Variants in BCLAF1 observed in about 807,000 individuals in gnomAD.
The protein encoded by BCLAF1 is BCL2 associated transcription factor 1.
Under a neutral mutation model 99.5 loss-of-function variants are expected in BCLAF1, and 10 were observed. That is an observed-to-expected ratio of 0.10 (90% CI 0.06 to 0.17). The LOEUF (loss-of-function observed/expected upper bound fraction) is 0.17, where lower values mean the gene tolerates loss of function less well. Ranked by LOEUF, BCLAF1 falls within the 10% of genes least tolerant of loss-of-function variation. The pLI is 1.00. For synonymous variants in BCLAF1, 255 were observed against 370.9 expected (o/e 0.69, Z 3.59); for missense variants, 636 against 1,105.8 (o/e 0.58, Z 6.02).
chr6:136,286,982 T>C (rs1785225093), intron 1 of BCLAF1, among the ~76,000 whole-genome samples: 1 of 146,820 alleles, frequency 6.8e-6, no homozygotes, highest in Non-Finnish European at 1.5e-5. Context: ...ACAGAAAAAC[T>C]AGCCGGCCTT....
At position 136,267,127 on chromosome 6, in the gene BCLAF1, T is replaced by C. The variant is rs1325041000; in HGVS notation, c.2446A>G (p.Asn816Asp). 6.2e-7 allele frequency: 1 copy of C among 1,613,150 alleles called. No individual in the cohort carries two copies. The highest frequency in any genetic ancestry group is 2.2e-5 in the East Asian group (1 of 44,826). ...GTATTTGAGTTGTTTGGACCAGTAT[T>C]TGTCCCAGCAAAAACTCCTCTGGCT... ...GRARGVFAGT[N>D]TGPNNSNTTF... Residue 816 changes from asparagine (N) to aspartate (D), a missense_variant, in exon 11 of 13, where the codon AAT (asparagine) becomes GAT (aspartate). Asn to Asp is a conservative substitution (Grantham distance 23). Transcript: ENST00000531224.
intron 6 of BCLAF1, among the ~76,000 whole-genome samples, 200 bp downstream of exon 6, chr6:136,275,332 C>T (rs1412658950): frequency 6.6e-6 from 1 of 152,112 alleles, no homozygotes; most frequent in Non-Finnish European, 1.5e-5. Flanking sequence ...ATTTCAATTA[C>T]TTTTTATTAA....
rs1482675625 is a variant in BCLAF1, at chr6:136,258,428, CA to C, written c.*2681del. ...AACAAAAACAAAAACAAAAACAAGA[CA>C]AAACAAAAAAACAGTAAAGAAAGGT... On this transcript the variant is annotated 3_prime_UTR_variant, in exon 13 of 13. Transcript: ENST00000531224. 6.6e-6 allele frequency: 1 copy of C among 150,426 alleles called. No individual in the cohort carries two copies. The highest frequency in any genetic ancestry group is 1.5e-5 in the Non-Finnish European group (1 of 67,490). 9.3% of individuals were successfully genotyped at this position (150,426 alleles called of 1,614,324 possible). A position where few individuals can be genotyped will look rare whatever the true frequency, so the allele number is the denominator to read the frequency against.
At chr6:136,284,103 T>C (rs1188713396) in intron 1 of BCLAF1, among the ~76,000 whole-genome samples, 1 of 132,574 alleles carries the variant, frequency 7.5e-6, no homozygotes, top group Non-Finnish European at 1.6e-5. Context: ...TTTATATATA[T>C]ATATACATAT....
At chr6:136,282,489 T>A (rs1375666388) in intron 2 of BCLAF1, 95 bp downstream of exon 2, 1 of 152,154 alleles carries the variant, frequency 6.6e-6, no homozygotes, top group Non-Finnish European at 1.5e-5. Context: ...TCGGACCACA[T>A]CATTTTTAAT....
chr6:136,283,147 C>G (rs1298074912), intron 1 of BCLAF1, among the ~76,000 whole-genome samples: 5 of 126,278 alleles, frequency 4.0e-5, no homozygotes, highest in Non-Finnish European at 6.3e-5. Flanking sequence ...GCAACACACT[C>G]TAGCCTTGGC....
At chr6:136,280,868 C>T (rs908238075) in intron 2 of BCLAF1, among the ~76,000 whole-genome samples, 2 of 152,162 alleles carry the variant, frequency 1.3e-5, no homozygotes, top group Non-Finnish European at 2.9e-5. Context: ...TCCAAATTTA[C>T]ACTAACTTAC....
intron 8 of BCLAF1, 117 bp downstream of exon 8, chr6:136,271,878 T>A (rs1782583493): frequency 1.4e-6 from 1 of 716,922 alleles, no homozygotes; most frequent in African/African-American, 1.8e-5. Flanking sequence ...CATAATATAG[T>A]TATGAATTAA....
chr6:136,267,892 T>C (rs1462802777), intron 10 of BCLAF1, among the ~76,000 whole-genome samples: 2 of 151,950 alleles, frequency 1.3e-5, no homozygotes, highest in African/African-American at 2.4e-5. Context: ...ATCAGTAACT[T>C]TCCTTGACTC....
Position 136,279,770 on chromosome 6 carries a change from G to C in BCLAF1, c.97C>G (p.Arg33Gly), listed in dbSNP as rs374712646. The change falls in exon 3 of 13, where the codon CGA becomes GGA. Residue 33 changes from arginine (R) to glycine (G), a missense_variant. Coordinates refer to ENST00000531224, the MANE Select transcript of BCLAF1 (RefSeq NM_014739.3). ...TAAAGCACATTAAATCACCTGTATC[G>C]CTTCTTTCTAGAATGAGATCTTGAT... ...SRSRSHSRKK[R>G]YSSRSRSRTY... 5 of 1,562,628 alleles carry C rather than the reference G, an allele frequency of 3.2e-6. No individual in the cohort carries two copies. The highest frequency in any genetic ancestry group is 4.3e-6 in the Non-Finnish European group (5 of 1,156,268).
At chr6:136,286,458 A>G (rs1423861496) in intron 1 of BCLAF1, among the ~76,000 whole-genome samples, 1 of 152,216 alleles carries the variant, frequency 6.6e-6, no homozygotes, top group Non-Finnish European at 1.5e-5. Flanking sequence ...TTACAAGTAC[A>G]GGGTTAAATG....
At position 136,261,328 on chromosome 6, in the gene BCLAF1, A is replaced by T. The variant is rs774606410; in HGVS notation, c.2694T>A (p.Val898=). The T allele has an allele frequency of 1.2e-6, 2 of 1,613,840 alleles. No homozygotes were observed. Among genetic ancestry groups the T allele is most frequent in the South Asian group, 2.2e-5 (2 of 91,076 alleles). ...THDKYQGDGI[V]EDEEETMENN... ...TTTCCATGGTCTCTTCTTCATCTTC[A>T]ACAATCCCATCCCCTTGGTATTTGT... The change falls in exon 12 of 13, where the codon GTT becomes GTA. Residue 898 remains valine, a synonymous_variant. Coordinates refer to ENST00000531224, the MANE Select transcript of BCLAF1 (RefSeq NM_014739.3).
intron 1 of BCLAF1, among the ~76,000 whole-genome samples, chr6:136,284,130 G>GTA (rs60218804): frequency 0.047 from 5,755 of 121,944 alleles, 151 homozygotes; most frequent in East Asian, 0.086. Context: ...GTGTGTGTGT[G>GTA]TATATATATA....
At chr6:136,284,130 G>GTATGTATATA (rs1554220651) in intron 1 of BCLAF1, among the ~76,000 whole-genome samples, 1 of 122,120 alleles carries the variant, frequency 8.2e-6, no homozygotes, top group African/African-American at 4.1e-5. Flanking sequence ...GTGTGTGTGT[G>GTATGTATATA]TATATATATA....
chr6:136,285,173 G>T (rs1784966144), intron 1 of BCLAF1, among the ~76,000 whole-genome samples: 1 of 152,094 alleles, frequency 6.6e-6, no homozygotes, highest in Non-Finnish European at 1.5e-5. Flanking sequence ...GTTTTTGCTT[G>T]GGTGAGTCAC....
chr6:136,278,816 A>G, intron 3 of BCLAF1, 40 bp from the exon 4 acceptor site: 2 of 1,449,888 alleles, frequency 1.4e-6, no homozygotes, highest in Non-Finnish European at 1.8e-6. Context: ...AAAATAAAGT[A>G]TTCCATGCTA....
rs61710271 is a variant in BCLAF1 at position 136,275,717 on chromosome 6, A to AACAC, written c.1683-20_1683-17dup. ...GGAAGCAGGTCTGGAACATATTGAT[A>AACAC]ACACACACACACACAAAATATACCA... is the stretch of plus-strand genomic sequence containing the variant. On this transcript the variant is annotated splice_polypyrimidine_tract_variant and intron_variant, in intron 5 of 12. Transcript: ENST00000531224. 1.5e-5 allele frequency: 24 copies of AACAC among 1,570,900 alleles called. No individual in the cohort carries two copies. The highest frequency in any genetic ancestry group is 6.8e-5 in the African/African-American group (5 of 73,118).
rs1417696089 is a variant in BCLAF1 at position 136,269,090 on chromosome 6, G to T, written c.2219+347C>A. 33 of 1,139,648 alleles carry T rather than the reference G, an allele frequency of 2.9e-5. 1 individual carries two copies. The South Asian group carries it at 5.6e-4, about 19-fold the overall frequency. 70.6% of individuals were successfully genotyped at this position (1,139,648 alleles called of 1,614,324 possible). On this transcript the variant is annotated intron_variant, in intron 9 of 12. Coordinates refer to ENST00000531224, the MANE Select transcript of BCLAF1 (RefSeq NM_014739.3). ...AGTTTAAAATTCTTGTACTCTGGGT[G>T]TTATGAGTTGAAAAAGTGCGGAATC...
intron 1 of BCLAF1, among the ~76,000 whole-genome samples, chr6:136,283,188 A>AAG (rs1277350452): frequency 2.6e-5 from 4 of 151,018 alleles, no homozygotes; most frequent in African/African-American, 9.7e-5. Context: ...CAAAAAAAAA[A>AAG]AAAAAAAAAA....
Sources: allele counts gnomAD v4.1 joint callset (sites outside exome capture counted in the v4.1 genomes callset), GRCh38; gene constraint gnomAD v4.1.1; transcripts MANE v1.5; gene names NCBI Gene and HGNC (gene_info 2026-07-23, HGNC 2026-07-21).